ACSBG1: variants seen among roughly 807,000 people sequenced by gnomAD.
ACSBG1 encodes the protein long-chain-fatty-acid--CoA ligase ACSBG1.
In ACSBG1, 39 loss-of-function variants were observed where a neutral mutation model predicts 80.2. The observed-to-expected ratio is 0.49, with a 90% CI of 0.38 to 0.64. ACSBG1 has a LOEUF of 0.64. Ranked by LOEUF, ACSBG1 falls within the 30% of genes least tolerant of loss-of-function variation. ACSBG1 has a pLI of 0.00. For missense variants in ACSBG1, 828 were observed against 966.4 expected (o/e 0.86, Z 1.90); for synonymous variants, 392 against 379.5 (o/e 1.03, Z -0.38).
intron 1 of ACSBG1, among the ~76,000 whole-genome samples, chr15:78,211,534 A>G (rs534126892): frequency 6.6e-6 from 1 of 152,350 alleles, no homozygotes; most frequent in South Asian, 2.1e-4. Flanking sequence ...CAGCTCACAT[A>G]AGCACACTTT....
chr15:78,223,096 A>C (rs1331958952), intron 1 of ACSBG1, among the ~76,000 whole-genome samples: 1 of 152,224 alleles, frequency 6.6e-6, no homozygotes, highest in Admixed American at 6.5e-5. Context: ...TCTAAGGCTA[A>C]GTCAAAAAAG....
chr15:78,181,494 T>TC, intron 8 of ACSBG1, among the ~76,000 whole-genome samples: 1 of 141,348 alleles, frequency 7.1e-6, no homozygotes, highest in Non-Finnish European at 1.5e-5. Flanking sequence ...GGTTTCTTTT[T>TC]TTTTTTTTTT....
At position 78,182,198 on chromosome 15, in the gene ACSBG1, T is replaced by G. The variant is rs2074952928; in HGVS notation, c.895-53A>C. 4 of 1,576,028 alleles carry G rather than the reference T, an allele frequency of 2.5e-6. No homozygotes were observed. The Admixed American group carries it at 5.2e-5, about 21-fold the overall frequency. Reference sequence around the variant, plus strand: ...AGTGTCCACAAGCCAGCCCTGGCGGTGCTCACAACTGTGGCCACCCTGGGG... The same window carrying G: ...AGTGTCCACAAGCCAGCCCTGGCGGGGCTCACAACTGTGGCCACCCTGGGG... On this transcript the variant is annotated intron_variant, in intron 7 of 13. Coordinates refer to ENST00000258873, the MANE Select transcript of ACSBG1 (RefSeq NM_015162.5).
rs1386205989 is a variant in ACSBG1, at chr15:78,194,109, G to A, written c.454-89C>T. 2.3e-6 allele frequency: 3 copies of A among 1,291,518 alleles called. No individual in the cohort carries two copies. In the African/African-American group the frequency reaches 4.4e-5, roughly 19 times the overall value. 80.0% of individuals were successfully genotyped at this position (1,291,518 alleles called of 1,614,324 possible). A position where few individuals can be genotyped will look rare whatever the true frequency, so the allele number is the denominator to read the frequency against. On this transcript the variant is annotated intron_variant, in intron 3 of 13. Coordinates refer to ENST00000258873, the MANE Select transcript of ACSBG1 (RefSeq NM_015162.5). ...CAGAGCCCCCACCCAGACTGCAGGG[G>A]ACCTGCAGGCTCCACCCTCCCAGGG...
chr15:78,214,154 C>A (rs934845758), intron 1 of ACSBG1, among the ~76,000 whole-genome samples: 2 of 152,208 alleles, frequency 1.3e-5, no homozygotes, highest in Non-Finnish European at 2.9e-5. Flanking sequence ...CCCCCTCCAC[C>A]CTCTACCTCC....
intron 1 of ACSBG1, among the ~76,000 whole-genome samples, chr15:78,217,813 C>A (rs1021138920): frequency 2.0e-5 from 3 of 152,122 alleles, no homozygotes; most frequent in African/African-American, 4.8e-5. Flanking sequence ...GATCCGCCTG[C>A]CTCGGCCTCC....
intron 1 of ACSBG1, among the ~76,000 whole-genome samples, chr15:78,230,344 T>C (rs1595909106): frequency 6.6e-6 from 1 of 152,330 alleles, no homozygotes; most frequent in Non-Finnish European, 1.5e-5. Context: ...GGAACTCTCG[T>C]GGGTCAGGCC....
At chr15:78,195,221 C>T (rs1425200716) in intron 2 of ACSBG1, among the ~76,000 whole-genome samples, 1 of 152,204 alleles carries the variant, frequency 6.6e-6, no homozygotes, top group Admixed American at 6.5e-5. Flanking sequence ...AGCCTGAAGT[C>T]TCCCAGTCTC....
At chr15:78,209,019 A>C in intron 1 of ACSBG1, 1 of 397,694 alleles carries the variant, frequency 2.5e-6, no homozygotes, top group Non-Finnish European at 5.0e-6. Flanking sequence ...GTTGTGCAGC[A>C]TGCAACCTGT....
In ACSBG1 at chr15:78,225,835, T is replaced by C. The variant is rs1027633332; in HGVS notation, c.131+8536A>G. Among the ~76,000 whole-genome samples the C allele has an allele frequency of 5.3e-5, 8 of 152,320 alleles. No individual in the cohort carries two copies. In the East Asian group the frequency reaches 1.5e-3, roughly 29 times the overall value. On this transcript the variant is annotated intron_variant, in intron 1 of 13. Coordinates refer to ENST00000258873, the MANE Select transcript of ACSBG1 (RefSeq NM_015162.5). ...GTTAGGAATCTAGGCATGGGCTAGC[T>C]CTGGCTCAAAGTGTCTCATAGGGTT... is the stretch of plus-strand genomic sequence containing the variant.
chr15:78,207,742 A>C (rs913039329), intron 2 of ACSBG1: 3 of 491,986 alleles, frequency 6.1e-6, no homozygotes, highest in Non-Finnish European at 1.1e-5. Flanking sequence ...CTGTCTCTCT[A>C]TCTCTGGCCT....
intron 1 of ACSBG1, among the ~76,000 whole-genome samples, chr15:78,210,218 GC>G (rs1273857551): frequency 6.6e-6 from 1 of 152,196 alleles, no homozygotes; most frequent in Non-Finnish European, 1.5e-5. Context: ...GTGGCCCTCT[GC>G]CAGCATCAGT....
chr15:78,231,287 A>AT (rs59300084), intron 1 of ACSBG1, among the ~76,000 whole-genome samples: 83,867 of 148,212 alleles, frequency 0.57, 23,592 homozygotes, highest in Non-Finnish European at 0.6. Context: ...CGCCTGGCTA[A>AT]TTTTTTTTTT....
intron 1 of ACSBG1, among the ~76,000 whole-genome samples, chr15:78,208,746 C>A (rs1015318544): frequency 1.3e-5 from 2 of 152,146 alleles, no homozygotes; most frequent in African/African-American, 4.8e-5. Flanking sequence ...CCCAGATCCC[C>A]CTCGCCTCCC....
intron 5 of ACSBG1, among the ~76,000 whole-genome samples, chr15:78,187,195 CAA>C (rs1567083812): frequency 6.6e-6 from 1 of 151,884 alleles, no homozygotes; most frequent in African/African-American, 2.4e-5. Flanking sequence ...GCTTACCAAC[CAA>C]AAAGAGTCCA....
Position 78,194,606 on chromosome 15 carries a change from T to G in ACSBG1, c.353A>C (p.Asp118Ala). ...MFYEALDKYG[D>A]LIALGFKRQD... is the part of the protein sequence containing the mutation. ...GCGCTTGAAGCCCAAAGCGATGAGG[T>G]CCCCATACTTATCCAGGGCCTCGTA... is the stretch of plus-strand genomic sequence containing the variant. The change falls in exon 3 of 14, where the codon GAC (aspartate) becomes GCC (alanine). Residue 118 changes from aspartate to alanine, a missense_variant. Physicochemically the swap from Asp to Ala is moderately radical, Grantham distance 126 (BLOSUM62 -2). Coordinates refer to ENST00000258873, the MANE Select transcript of ACSBG1 (RefSeq NM_015162.5). 6.2e-7 allele frequency: 1 copy of G among 1,614,208 alleles called. No individual in the cohort carries two copies. The highest frequency in any genetic ancestry group is 8.5e-7 in the Non-Finnish European group (1 of 1,180,028).
chr15:78,169,060 T>C lies in ACSBG1; in HGVS notation c.*2384A>G, dbSNP rs2074787526. On this transcript the variant is annotated 3_prime_UTR_variant, in exon 14 of 14. Transcript: ENST00000258873. ...ACTCTAAATGGACACCACATGAACC[T>C]CTGTTTAGAATACCTACGTATGTAT... The C allele has an allele frequency of 1.8e-6, 2 of 1,116,094 alleles. No individual in the cohort carries two copies. The highest frequency in any genetic ancestry group is 1.3e-5 in the South Asian group (1 of 76,028). The allele number at this position is 1,116,094 out of a possible 1,614,324, so 69.1% of individuals were successfully genotyped here.
At position 78,179,729 on chromosome 15, in the gene ACSBG1, C is replaced by T. The variant is rs1394130875; in HGVS notation, c.1305G>A (p.Lys435=). 3 of 1,614,002 alleles carry T rather than the reference C, an allele frequency of 1.9e-6. No homozygotes were observed. The highest frequency in any genetic ancestry group is 2.5e-6 in the Non-Finnish European group (3 of 1,180,012). Residue 435 remains lysine, a synonymous_variant, in exon 10 of 14, where the codon AAG becomes AAA. Coordinates refer to ENST00000258873, the MANE Select transcript of ACSBG1 (RefSeq NM_015162.5). ...TRLADYLVLA[K]VRQALGFAKC... ...TGGCAAATCCCAGTGCCTGGCGAAC[C>T]TTGGCTAGCACCAGGTAATCTGCCA...
At chr15:78,181,006 GC>G (rs1157108286) in intron 8 of ACSBG1, 70 bp from the exon 9 acceptor site, 1 of 1,546,180 alleles carries the variant, frequency 6.5e-7, no homozygotes, top group Non-Finnish European at 8.8e-7. Flanking sequence ...CCTCTTACCA[GC>G]CAGGCATGCC....
Sources: gnomAD v4.1 joint callset for allele counts (sites outside exome capture counted in the v4.1 genomes callset) on GRCh38, gnomAD v4.1.1 for gene constraint, MANE v1.5 for transcripts, NCBI Gene and HGNC (gene_info 2026-07-23, HGNC 2026-07-21) for gene names.